The following CELSR1 variants were observed in gnomAD, a reference collection of about 807,000 sequenced individuals.
CELSR1 encodes cadherin EGF LAG seven-pass G-type receptor 1, also known as adhesion G protein-coupled receptor C1.
CELSR1 carries 110 observed loss-of-function variants against 249.1 expected under a neutral mutation model. That is an observed-to-expected ratio of 0.44 (90% CI 0.38 to 0.52). The LOEUF is 0.52. Ranked by LOEUF, CELSR1 falls within the 20% of genes least tolerant of loss-of-function variation. The probability of loss-of-function intolerance (pLI) is 0.00; values close to 1 mark genes in which losing one functional copy is unlikely to be tolerated. For synonymous variants in CELSR1, 2,113 were observed against 1,900.0 expected (o/e 1.11, Z -2.92); for missense variants, 4,109 against 4,296.4 (o/e 0.96, Z 1.22).
Position 46,381,870 on chromosome 22 carries a change from T to C in CELSR1, c.7064A>G (p.Tyr2355Cys), listed in dbSNP as rs911336149. Residue 2355 changes from tyrosine to cysteine, a missense_variant, in exon 21 of 35, where the codon TAC becomes TGC. Tyr to Cys is a radical substitution (Grantham distance 194). Around this residue, in one of 7 missense-constraint regions of CELSR1, gnomAD observed 1,805 missense variants for 1,831.6 expected, o/e 0.99. Transcript: ENST00000674500. The surrounding 1 kb of genome is among the most constrained non-coding windows in gnomAD (Gnocchi z 6.0). Reference protein sequence around the residue: ...RTLGQLLPERYDPDRRSLRLP... With the variant: ...RTLGQLLPERCDPDRRSLRLP... ...CCGGAGGCTGCGACGGTCGGGGTCGTAGCGCTCGGGCAGGAGCTGCCCCAG... is the reference window on the plus strand; with the variant it reads ...CCGGAGGCTGCGACGGTCGGGGTCGCAGCGCTCGGGCAGGAGCTGCCCCAG... 3 of 1,566,890 alleles carry C rather than the reference T, an allele frequency of 1.9e-6. No homozygotes were observed. The highest frequency in any genetic ancestry group is 2.6e-6 in the Non-Finnish European group (3 of 1,159,194).
At chr22:46,493,667 G>T (rs2080388715) in intron 1 of CELSR1, among the ~76,000 whole-genome samples, 1 of 152,182 alleles carries the variant, frequency 6.6e-6, no homozygotes, top group Non-Finnish European at 1.5e-5. Flanking sequence ...GACCCAGTGG[G>T]AGGTAACTAA....
At chr22:46,475,398 T>G (rs914199023) in intron 1 of CELSR1, among the ~76,000 whole-genome samples, 5 of 152,058 alleles carry the variant, frequency 3.3e-5, no homozygotes, top group Admixed American at 1.3e-4. Flanking sequence ...TGCTTCTGCT[T>G]ACGAGAGGTC....
In CELSR1 at chr22:46,536,129, C is replaced by T. The variant is rs1327146198; in HGVS notation, c.1042G>A (p.Asp348Asn). 4 of 1,612,730 alleles carry T rather than the reference C, an allele frequency of 2.5e-6. No homozygotes were observed. The highest frequency in any genetic ancestry group is 3.4e-6 in the Non-Finnish European group (4 of 1,180,008). ...GACTGCTCGAAGACCGGGCTGTGGT[C>T]GTTGGTGTCTTTGACCAAGACAGTG... The part of the protein sequence containing the change: ...YITVLVKDTN[D>N]HSPVFEQSEY... The change falls in exon 1 of 35, where the codon GAC becomes AAC. Residue 348 changes from aspartate (D) to asparagine (N), a missense_variant. Asp to Asn is a conservative substitution (Grantham distance 23, BLOSUM62 1). Coordinates refer to ENST00000674500, the MANE Select transcript of CELSR1 (RefSeq NM_001378328.1).
chr22:46,414,284 A>G (rs2079371581), intron 5 of CELSR1, among the ~76,000 whole-genome samples: 1 of 152,204 alleles, frequency 6.6e-6, no homozygotes, highest in Admixed American at 6.6e-5. Context: ...ACCGGCGGCC[A>G]CTGGGTCAAA....
chr22:46,505,029 G>A (rs746178977), intron 1 of CELSR1, among the ~76,000 whole-genome samples: 31 of 152,160 alleles, frequency 2.0e-4, no homozygotes, highest in African/African-American at 4.6e-4. Flanking sequence ...TTGGGAGGCC[G>A]AGGCGGGCGG....
At chr22:46,533,510 G>A (rs1470989772) in intron 1 of CELSR1, 117 bp downstream of exon 1, 2 of 1,415,724 alleles carry the variant, frequency 1.4e-6, no homozygotes, top group South Asian at 1.4e-5. Flanking sequence ...TCCTTGCAGA[G>A]TTGCCCGGGC....
At chr22:46,420,694 A>C (rs544641005) in intron 5 of CELSR1, among the ~76,000 whole-genome samples, 8 of 152,156 alleles carry the variant, frequency 5.3e-5, no homozygotes, top group African/African-American at 1.4e-4. Context: ...TCCTGTAAAG[A>C]CCTAATAGTC....
At chr22:46,491,639 T>C (rs113309845) in intron 1 of CELSR1, among the ~76,000 whole-genome samples, 12 of 25,886 alleles carry the variant, frequency 4.6e-4, no homozygotes, top group Non-Finnish European at 1.4e-3. Context: ...CTCTCTCTCT[T>C]TTTTTTTTTT....
intron 19 of CELSR1, 66 bp from the exon 20 acceptor site, chr22:46,384,752 A>G: frequency 2.7e-6 from 4 of 1,505,188 alleles, no homozygotes; most frequent in African/African-American, 2.8e-5. Context: ...GCTGTTTTCA[A>G]AATGACCACA....
chr22:46,471,464 C>G lies in CELSR1; in HGVS notation c.3545-7119G>C, dbSNP rs1463006968. Among the ~76,000 whole-genome samples, 3 of 152,088 alleles carry G rather than the reference C, an allele frequency of 2.0e-5. No homozygotes were observed. The highest frequency in any genetic ancestry group is 7.2e-5 in the African/African-American group (3 of 41,430). On this transcript the variant is annotated intron_variant, in intron 1 of 34. Transcript: ENST00000674500. The surrounding 1 kb of genome is among the most constrained non-coding windows in gnomAD (Gnocchi z 4.9). ...GAATGCAGTGGTGTGATTACTGCAGCCTTGAGCTTTGAGCTCCTGGGCTCA... is the reference window on the plus strand; with the variant it reads ...GAATGCAGTGGTGTGATTACTGCAGGCTTGAGCTTTGAGCTCCTGGGCTCA...
In CELSR1 at chr22:46,517,820, G is replaced by A. The variant is rs2080643633; in HGVS notation, c.3544+15807C>T. On this transcript the variant is annotated intron_variant, in intron 1 of 34. Coordinates refer to ENST00000674500, the MANE Select transcript of CELSR1 (RefSeq NM_001378328.1). The surrounding 1 kb of genome is among the most constrained non-coding windows in gnomAD (Gnocchi z 5.4). ...TTGGCATTGAGACCCAGAGGGAAAG[G>A]GAGGGTGAGCTGTCATCTGAAAGCA... Among the ~76,000 whole-genome samples the A allele has an allele frequency of 6.6e-6, 1 of 152,166 alleles. No homozygotes were observed. The highest frequency in any genetic ancestry group is 1.5e-5 in the Non-Finnish European group (1 of 68,036).
At chr22:46,520,707 C>G (rs1202704469) in intron 1 of CELSR1, among the ~76,000 whole-genome samples, 3 of 152,166 alleles carry the variant, frequency 2.0e-5, no homozygotes, top group Admixed American at 2.0e-4. Flanking sequence ...TGTGATCCAC[C>G]TGCCTCGGCC....
At chr22:46,481,547 C>T in intron 1 of CELSR1, 1 of 1,263,768 alleles carries the variant, frequency 7.9e-7, no homozygotes, top group Non-Finnish European at 1.1e-6. Flanking sequence ...GTGATCAAAG[C>T]CTGGGCTTAA....
chr22:46,461,696 G>T (rs2080029614), intron 2 of CELSR1, among the ~76,000 whole-genome samples: 1 of 152,246 alleles, frequency 6.6e-6, no homozygotes, highest in South Asian at 2.1e-4. Context: ...CGCTGGCCTG[G>T]TATACAGTAG....
rs1459251321 is a variant in CELSR1 at position 46,363,318 on chromosome 22, T to G, written c.9036-71A>C. The G allele has an allele frequency of 1.7e-5, 22 of 1,298,614 alleles. No homozygotes were observed. The East Asian group carries it at 4.6e-4, about 27-fold the overall frequency. The allele number at this position is 1,298,614 out of a possible 1,614,324, so 80.4% of individuals were successfully genotyped here. A position where few individuals can be genotyped will look rare whatever the true frequency, so the allele number is the denominator to read the frequency against. ...GTAGCGGCTTGGTGGGGCCCAAGGT[T>G]GTCACACGGGGGGGCAGGATCACCC... On this transcript the variant is annotated intron_variant, in intron 34 of 34. Coordinates refer to ENST00000674500, the MANE Select transcript of CELSR1 (RefSeq NM_001378328.1). The surrounding 1 kb of genome is among the most constrained non-coding windows in gnomAD (Gnocchi z 4.3).
At chr22:46,461,960 G>C (rs1021775035) in intron 2 of CELSR1, among the ~76,000 whole-genome samples, 9 of 152,232 alleles carry the variant, frequency 5.9e-5, no homozygotes, top group African/African-American at 2.2e-4. Context: ...GGGAGGAAGG[G>C]GACCTGGGGA....
rs2080859892 is a variant in CELSR1, at chr22:46,536,626, C to G, written c.545G>C (p.Arg182Pro). 8.5e-7 allele frequency: 1 copy of G among 1,171,002 alleles called. No homozygotes were observed. 72.5% of individuals were successfully genotyped at this position (1,171,002 alleles called of 1,614,324 possible). The change falls in exon 1 of 35, where the codon CGT (arginine) becomes CCT (proline). Residue 182 changes from arginine to proline, a missense_variant. Arg to Pro is a moderately radical substitution (Grantham distance 103). This residue lies in a region of CELSR1 where 673 missense variants were observed against 636.8 expected (regional missense o/e 1.06). Transcript: ENST00000674500. ...CGCGCGCCGCAGGGCGCACAGCAGA[C>G]GCAGGCGGACCGAGCCGCCCGGCGG... Reference protein sequence around the residue: ...CLPPGGSVRLRLLCALRRAAG... With the variant: ...CLPPGGSVRLPLLCALRRAAG...
At chr22:46,481,891 G>T (rs1450872483) in intron 1 of CELSR1, 2 of 179,190 alleles carry the variant, frequency 1.1e-5, no homozygotes, top group African/African-American at 4.8e-5. Context: ...TCCTGCCTCA[G>T]CCTCCCGAGT....
chr22:46,395,731 G>A lies in CELSR1; in HGVS notation c.5843+874C>T, dbSNP rs774981130. On this transcript the variant is annotated intron_variant, in intron 13 of 34. Transcript: ENST00000674500. The surrounding 1 kb of genome is among the most constrained non-coding windows in gnomAD (Gnocchi z 5.5). ...CTGCACCTGATGGCCACCAGCAGCT[G>A]AGGACAATGAGCCACAGGGGCATCA... 1.8e-4 allele frequency among the ~76,000 whole-genome samples: 28 copies of A among 152,284 alleles called. No individual in the cohort carries two copies. Among genetic ancestry groups the A allele is most frequent in the African/African-American group, 6.5e-4 (27 of 41,548 alleles).
Sources: allele counts gnomAD v4.1 joint callset (sites outside exome capture counted in the v4.1 genomes callset), GRCh38; gene constraint gnomAD v4.1.1; regional missense constraint gnomAD v4.1.1; non-coding constraint Gnocchi (gnomAD v3.1); transcripts MANE v1.5; gene names NCBI Gene and HGNC (gene_info 2026-07-23, HGNC 2026-07-21).